ZFHX3: variants seen among roughly 807,000 people sequenced by gnomAD.
The protein encoded by ZFHX3 is zinc finger homeobox 3.
A neutral mutation model predicts 279.1 loss-of-function variants in ZFHX3; 42 were observed. The observed-to-expected ratio is 0.15, with a 90% CI of 0.12 to 0.19. The LOEUF (loss-of-function observed/expected upper bound fraction) is 0.19, where lower values mean the gene tolerates loss of function less well. ZFHX3 is among the 10% of genes least tolerant of loss of function. ZFHX3 has a pLI of 1.00. For missense variants in ZFHX3, 4,981 were observed against 4,754.0 expected (o/e 1.05, Z -1.40); for synonymous variants, 2,293 against 1,957.8 (o/e 1.17, Z -4.52).
chr16:73,888,572 A>C (rs951816762), intron 1 of ZFHX3, among the ~76,000 whole-genome samples: 5 of 152,228 alleles, frequency 3.3e-5, no homozygotes, highest in Non-Finnish European at 2.9e-5. Flanking sequence ...TACAGAGAAA[A>C]TATCAGCTAA....
intron 2 of ZFHX3, among the ~76,000 whole-genome samples, chr16:73,590,689 A>C (rs776577909): frequency 6.6e-6 from 1 of 152,226 alleles, no homozygotes; most frequent in Non-Finnish European, 1.5e-5. Flanking sequence ...GTAACGAGAT[A>C]TTTGCTGGGG....
intron 1 of ZFHX3, among the ~76,000 whole-genome samples, chr16:73,020,600 C>G (rs187257393): frequency 7.5e-4 from 114 of 152,316 alleles, no homozygotes; most frequent in Non-Finnish European, 1.1e-3. Context: ...TGCTTGTCGA[C>G]CATGACTCAG....
chr16:73,434,619 T>G (rs1031149236), intron 3 of ZFHX3, among the ~76,000 whole-genome samples: 1 of 152,068 alleles, frequency 6.6e-6, no homozygotes, highest in African/African-American at 2.4e-5. Flanking sequence ...TGTTTTTTTT[T>G]TGTTGTTGCT....
chr16:73,569,838 C>T (rs1382654417), intron 2 of ZFHX3, among the ~76,000 whole-genome samples: 1 of 152,158 alleles, frequency 6.6e-6, no homozygotes, highest in Admixed American at 6.5e-5. Context: ...AAGGAACCCA[C>T]TGTCGCTTCT....
chr16:73,523,058 G>A (rs1378561747), intron 2 of ZFHX3, among the ~76,000 whole-genome samples: 2 of 152,142 alleles, frequency 1.3e-5, no homozygotes, highest in Non-Finnish European at 2.9e-5. Context: ...TACAATTCAA[G>A]ATAAGATTTG....
chr16:73,523,753 T>G (rs1013471243), intron 2 of ZFHX3, among the ~76,000 whole-genome samples: 1 of 152,112 alleles, frequency 6.6e-6, no homozygotes, highest in Non-Finnish European at 1.5e-5. Context: ...TCCTTGCATC[T>G]ACCTCGTTCC....
At chr16:73,516,476 G>A (rs937791687) in intron 2 of ZFHX3, among the ~76,000 whole-genome samples, 1 of 152,130 alleles carries the variant, frequency 6.6e-6, no homozygotes, top group African/African-American at 2.4e-5. Flanking sequence ...GTTCTATATT[G>A]TGACACATGA....
At chr16:72,916,755 T>C (rs2039452036) in intron 3 of ZFHX3, among the ~76,000 whole-genome samples, 1 of 152,166 alleles carries the variant, frequency 6.6e-6, no homozygotes, top group South Asian at 2.1e-4. Flanking sequence ...ATGGGTAGAT[T>C]GCTTAATAAA....
intron 1 of ZFHX3, among the ~76,000 whole-genome samples, chr16:73,845,276 T>C (rs1567428603): frequency 6.6e-6 from 1 of 152,158 alleles, no homozygotes; most frequent in Non-Finnish European, 1.5e-5. Flanking sequence ...CCAGACGTTT[T>C]TTCTCTCAGA....
intron 7 of ZFHX3, among the ~76,000 whole-genome samples, chr16:73,107,341 T>TA (rs35959500): frequency 0.013 from 2,020 of 151,888 alleles, 35 homozygotes; most frequent in African/African-American, 0.045. Context: ...AAATATAAAA[T>TA]AAAAAAATTG....
chr16:73,688,824 G>A (rs1263629573), intron 1 of ZFHX3, among the ~76,000 whole-genome samples: 2 of 152,142 alleles, frequency 1.3e-5, no homozygotes, highest in Non-Finnish European at 2.9e-5. Flanking sequence ...TCTCATGACA[G>A]TGAGTAAGTC....
At chr16:73,067,132 T>A (rs7405247) in intron 8 of ZFHX3, among the ~76,000 whole-genome samples, 115,285 of 152,016 alleles carry the variant, frequency 0.76, 43,944 homozygotes, top group South Asian at 0.89. Flanking sequence ...CGAAGGGCCG[T>A]CTGGAGGGGT....
chr16:73,665,577 G>T (rs1406731786), intron 2 of ZFHX3, among the ~76,000 whole-genome samples: 2 of 151,788 alleles, frequency 1.3e-5, no homozygotes, highest in Non-Finnish European at 2.9e-5. Flanking sequence ...TTTGCCCAGG[G>T]TGATACAGAG....
intron 3 of ZFHX3, among the ~76,000 whole-genome samples, chr16:73,381,588 C>T (rs545001767): frequency 2.0e-5 from 3 of 152,248 alleles, no homozygotes; most frequent in Non-Finnish European, 4.4e-5. Flanking sequence ...TGGGCTGGCA[C>T]CAATGGCTAG....
intron 1 of ZFHX3, among the ~76,000 whole-genome samples, chr16:72,997,803 G>A (rs1434974697): frequency 6.6e-6 from 1 of 152,174 alleles, no homozygotes; most frequent in African/African-American, 2.4e-5. Context: ...GGAGGGGCCT[G>A]GTGCAGTGGC....
intron 5 of ZFHX3, among the ~76,000 whole-genome samples, chr16:73,167,026 A>G (rs1196527804): frequency 6.6e-6 from 1 of 152,232 alleles, no homozygotes; most frequent in East Asian, 1.9e-4. Context: ...CTATAGCCAC[A>G]GTCCCTTGCC....
At chr16:73,563,242 TTG>T (rs1433811143) in intron 2 of ZFHX3, among the ~76,000 whole-genome samples, 3 of 148,142 alleles carry the variant, frequency 2.0e-5, no homozygotes, top group Non-Finnish European at 3.0e-5. Context: ...TGTTTTGTTT[TTG>T]TTTTTTTTTT....
intron 2 of ZFHX3, among the ~76,000 whole-genome samples, chr16:72,951,949 A>C (rs989026897): frequency 6.6e-6 from 1 of 152,236 alleles, no homozygotes; most frequent in Non-Finnish European, 1.5e-5. Context: ...GCATCTCTAA[A>C]GCAAAGATCT....
intron 1 of ZFHX3, among the ~76,000 whole-genome samples, chr16:73,838,696 T>C (rs1961210615): frequency 6.6e-6 from 1 of 152,002 alleles, no homozygotes; most frequent in Admixed American, 6.5e-5. Context: ...CAGAAGGATA[T>C]GTGATTTAGT....
Sources: gnomAD v4.1 joint callset for allele counts (sites outside exome capture counted in the v4.1 genomes callset) on GRCh38, gnomAD v4.1.1 for gene constraint, MANE v1.5 for transcripts, NCBI Gene and HGNC (gene_info 2026-07-23, HGNC 2026-07-21) for gene names.